The following WFDC8 variants were observed in gnomAD, a reference collection of about 807,000 sequenced individuals.
The protein encoded by WFDC8 is WAP four-disulfide core domain 8, also known as WAP four-disulfide core domain protein 8.
WFDC8 carries 24 observed loss-of-function variants against 27.0 expected under a neutral mutation model. That is an observed-to-expected ratio of 0.89 (90% CI 0.64 to 1.25). The LOEUF (loss-of-function observed/expected upper bound fraction) is 1.25. WFDC8 is among the 50% of genes most tolerant of loss of function. The probability of loss-of-function intolerance (pLI) is 0.00; values close to 1 mark genes in which losing one functional copy is unlikely to be tolerated. For synonymous variants in WFDC8, 106 were observed against 99.7 expected, an observed-to-expected ratio of 1.06 and a Z score of -0.38; for missense variants, 287 against 295.9, an observed-to-expected ratio of 0.97 and a Z score of 0.22.
chr20:45,575,935 A>G (rs1407226896), intron 1 of WFDC8, among the ~76,000 whole-genome samples: 1 of 151,326 alleles, frequency 6.6e-6, no homozygotes, highest in Admixed American at 6.6e-5. Context: ...CTCAGTTACT[A>G]GGAAGCAGAC....
intron 1 of WFDC8, among the ~76,000 whole-genome samples, chr20:45,565,962 A>C (rs1458675027): frequency 6.6e-6 from 1 of 152,214 alleles, no homozygotes; most frequent in Non-Finnish European, 1.5e-5. Flanking sequence ...GAAAGTAATC[A>C]CAAAATTTTA....
chr20:45,558,227 C>T (rs1028582238), intron 3 of WFDC8, among the ~76,000 whole-genome samples: 2 of 152,232 alleles, frequency 1.3e-5, no homozygotes, highest in Non-Finnish European at 1.5e-5. Flanking sequence ...ATTACCCAAT[C>T]AAAGCCCAAA....
rs540480580 is a variant in WFDC8, at chr20:45,553,229, A to T, written c.493T>A (p.Cys165Ser). 6.2e-7 allele frequency: 1 copy of T among 1,613,720 alleles called. No individual in the cohort carries two copies. The highest frequency in any genetic ancestry group is 1.1e-5 in the South Asian group (1 of 91,060). ...ATGTCACTGTGACATGAAGGTGGAC[A>T]CTCCTTACGTTCAGTGAAAGGGAAG... is the stretch of plus-strand genomic sequence containing the variant. The part of the protein sequence containing the change: ...PLFPFTERKE[C>S]PPSCHSDIDC... The change falls in exon 5 of 6, where the codon TGT (cysteine) becomes AGT (serine). Residue 165 changes from cysteine (C) to serine (S), a missense_variant. By Grantham distance (112) the Cys-to-Ser change is moderately radical. Transcript: ENST00000289953.
intron 4 of WFDC8, 109 bp downstream of exon 4, chr20:45,555,592 C>A (rs1980210376): frequency 7.8e-7 from 1 of 1,278,016 alleles, no homozygotes; most frequent in Admixed American, 2.0e-5. Flanking sequence ...AATGACAGAG[C>A]TAAGTCTTGA....
chr20:45,574,526 G>C (rs1398414435), intron 1 of WFDC8, among the ~76,000 whole-genome samples: 1 of 152,180 alleles, frequency 6.6e-6, no homozygotes, highest in Admixed American at 6.5e-5. Context: ...CAAGCATGGT[G>C]GGTCACACCT....
At chr20:45,551,245 A>G (rs1258890479), downstream of WFDC8, 1 of 152,190 alleles carries the variant, frequency 6.6e-6, no homozygotes, top group Non-Finnish European at 1.5e-5. Flanking sequence ...GAGAAAAATC[A>G]TTATGTGACT....
chr20:45,573,888 T>A (rs73127383), intron 1 of WFDC8, among the ~76,000 whole-genome samples: 4,118 of 152,276 alleles, frequency 0.027, 70 homozygotes, highest in Non-Finnish European at 0.038. Context: ...TATCTGTTTC[T>A]ATGACAGTAC....
Position 45,565,979 on chromosome 20 carries a change from TA to T in WFDC8, c.27-3761del, listed in dbSNP as rs565368332. Among the ~76,000 whole-genome samples, 387 of 152,260 alleles carry T rather than the reference TA, an allele frequency of 2.5e-3. 2 individuals are homozygous for T. The highest frequency in any genetic ancestry group is 4.2e-3 in the Non-Finnish European group (286 of 68,004). Reference sequence around the variant, plus strand: ...AAGTAATCACAAAATTTTAAAAAAATATATTTTTTATAAAATGCTTTCAAAC... The same window carrying T: ...AAGTAATCACAAAATTTTAAAAAAATTATTTTTTATAAAATGCTTTCAAAC... On this transcript the variant is annotated intron_variant, in intron 1 of 5. Coordinates refer to ENST00000289953, the MANE Select transcript of WFDC8 (RefSeq NM_130896.3).
chr20:45,568,764 C>T (rs912120574), intron 1 of WFDC8: 2 of 475,542 alleles, frequency 4.2e-6, no homozygotes, highest in Non-Finnish European at 8.6e-6. Flanking sequence ...TTCAATGTGA[C>T]ACTCTCGATA....
intron 5 of WFDC8, 96 bp downstream of exon 5, chr20:45,553,040 G>A: frequency 6.9e-7 from 1 of 1,446,766 alleles, no homozygotes; most frequent in Non-Finnish European, 9.3e-7. Context: ...AGCCCAAGGA[G>A]CATCTGAGGT....
Position 45,579,203 on chromosome 20 carries a change from C to T in WFDC8, c.26+19G>A, listed in dbSNP as rs200694245. On this transcript the variant is annotated intron_variant, in intron 1 of 5. Coordinates refer to ENST00000289953, the MANE Select transcript of WFDC8 (RefSeq NM_130896.3). ...ACCCTCCATGTCTGGCTACCCACCC[C>T]CATAGACACCCTCCTCACCCTCCTT... 50 of 1,613,542 alleles carry T rather than the reference C, an allele frequency of 3.1e-5. No individual in the cohort carries two copies. In the Admixed American group the frequency reaches 7.2e-4, roughly 23 times the overall value.
chr20:45,578,914 C>T (rs890991101), intron 1 of WFDC8, among the ~76,000 whole-genome samples: 1 of 152,156 alleles, frequency 6.6e-6, no homozygotes, highest in African/African-American at 2.4e-5. Flanking sequence ...CGAGACCAGC[C>T]TGGCCAACAT....
At chr20:45,579,178 A>G (rs772987791) in intron 1 of WFDC8, 44 bp downstream of exon 1, 17 of 1,603,054 alleles carry the variant, frequency 1.1e-5, no homozygotes, top group Non-Finnish European at 1.5e-5. Context: ...TTGGGCTCAG[A>G]CCCTCCATGT....
chr20:45,555,993 GAA>G, intron 3 of WFDC8, 125 bp from the exon 4 acceptor site: 2 of 891,248 alleles, frequency 2.2e-6, no homozygotes, highest in Non-Finnish European at 3.3e-6. Flanking sequence ...CATGGCAGGG[GAA>G]AAAAAAAGGC....
intron 3 of WFDC8, among the ~76,000 whole-genome samples, chr20:45,557,245 C>CT (rs1980296287): frequency 6.6e-6 from 1 of 152,170 alleles, no homozygotes; most frequent in Admixed American, 6.5e-5. Flanking sequence ...ATCTAAACAA[C>CT]TTTTTGCAGG....
At chr20:45,557,510 G>A (rs1297316367) in intron 3 of WFDC8, among the ~76,000 whole-genome samples, 1 of 152,056 alleles carries the variant, frequency 6.6e-6, no homozygotes, top group African/African-American at 2.4e-5. Flanking sequence ...TCAGCTCATT[G>A]CAACCTCTGC....
At chr20:45,577,394 C>T (rs1981080617) in intron 1 of WFDC8, among the ~76,000 whole-genome samples, 1 of 150,358 alleles carries the variant, frequency 6.7e-6, no homozygotes, top group African/African-American at 2.4e-5. Context: ...ATATATATTA[C>T]ATAAGGTGTC....
At chr20:45,559,421 G>A (rs970651213) in intron 2 of WFDC8, among the ~76,000 whole-genome samples, 4 of 152,210 alleles carry the variant, frequency 2.6e-5, no homozygotes, top group African/African-American at 9.6e-5. Flanking sequence ...GTAAACTCAA[G>A]ACCAATCTGA....
At chr20:45,562,592 A>C (rs544881899) in intron 1 of WFDC8, among the ~76,000 whole-genome samples, 1 of 152,332 alleles carries the variant, frequency 6.6e-6, no homozygotes, top group South Asian at 2.1e-4. Flanking sequence ...ACTAGTGAGC[A>C]TCTTTTCTTT....
Sources: allele counts gnomAD v4.1 joint callset (sites outside exome capture counted in the v4.1 genomes callset), GRCh38; gene constraint gnomAD v4.1.1; transcripts MANE v1.5; gene names NCBI Gene and HGNC (gene_info 2026-07-23, HGNC 2026-07-21).